MGAT4C: variants seen among roughly 807,000 people sequenced by gnomAD.
MGAT4C encodes the protein MGAT4 family member C.
A neutral mutation model predicts 40.1 loss-of-function variants in MGAT4C; 19 were observed. The ratio of observed to expected loss-of-function variants is 0.47; its 90% CI spans 0.33 to 0.70. The LOEUF is 0.70. Ranked by LOEUF, MGAT4C falls within the 30% of genes least tolerant of loss-of-function variation. MGAT4C has a pLI of 0.02. For missense variants in MGAT4C, 491 were observed against 563.2 expected (o/e 0.87, Z 1.30); for synonymous variants, 181 against 187.1 (o/e 0.97, Z 0.27).
intron 3 of MGAT4C, among the ~76,000 whole-genome samples, chr12:86,344,717 GGTGTGTGT>G (rs71076188): frequency 0.065 from 9,055 of 139,462 alleles, 697 homozygotes; most frequent in East Asian, 0.25. Context: ...ATCTCTTCTC[GGTGTGTGT>G]GTGTGTGTGT....
intron 4 of MGAT4C, among the ~76,000 whole-genome samples, chr12:86,305,227 G>T (rs1385133772): frequency 6.7e-6 from 1 of 150,208 alleles, no homozygotes. Context: ...ATCACCTGAG[G>T]TTGGGAGTTC....
intron 1 of MGAT4C, among the ~76,000 whole-genome samples, chr12:86,224,439 C>G (rs1035006505): frequency 6.6e-6 from 1 of 152,144 alleles, no homozygotes; most frequent in Non-Finnish European, 1.5e-5. Context: ...AAACTAGGCT[C>G]TAGACCAAAT....
At chr12:86,802,488 C>T (rs1458208203) in intron 1 of MGAT4C, among the ~76,000 whole-genome samples, 1 of 151,838 alleles carries the variant, frequency 6.6e-6, no homozygotes, top group East Asian at 1.9e-4. Context: ...ATTCTGTGTC[C>T]TTAGCAAGGT....
intron 1 of MGAT4C, among the ~76,000 whole-genome samples, chr12:86,220,001 T>A (rs560465219): frequency 2.6e-5 from 4 of 151,968 alleles, no homozygotes; most frequent in Non-Finnish European, 5.9e-5. Context: ...AGAGATTGGG[T>A]TTTTGGAATT....
chr12:86,805,338 T>C (rs1952330909), intron 1 of MGAT4C, among the ~76,000 whole-genome samples: 1 of 151,994 alleles, frequency 6.6e-6, no homozygotes, highest in South Asian at 2.1e-4. Flanking sequence ...GCATAGTATA[T>C]GATAGGTATT....
intron 4 of MGAT4C, among the ~76,000 whole-genome samples, chr12:86,298,702 C>A (rs1004308561): frequency 6.6e-6 from 1 of 152,010 alleles, no homozygotes; most frequent in African/African-American, 2.4e-5. Context: ...TTGGAAAAAA[C>A]ATACTGAGAA....
chr12:86,347,350 G>A (rs1373350242), intron 3 of MGAT4C, among the ~76,000 whole-genome samples: 1 of 151,854 alleles, frequency 6.6e-6, no homozygotes, highest in Non-Finnish European at 1.5e-5. Context: ...AAAACACATG[G>A]CATATTTTAA....
chr12:86,642,792 T>A (rs549976683), intron 2 of MGAT4C, among the ~76,000 whole-genome samples: 3 of 151,484 alleles, frequency 2.0e-5, no homozygotes, highest in Non-Finnish European at 4.4e-5. Flanking sequence ...ACATTTTATA[T>A]GTATATATAT....
At chr12:86,491,174 G>T (rs961727123) in intron 2 of MGAT4C, among the ~76,000 whole-genome samples, 1 of 152,046 alleles carries the variant, frequency 6.6e-6, no homozygotes, top group South Asian at 2.1e-4. Context: ...ACCAAAAAGA[G>T]TCCAGGACCA....
At chr12:86,648,643 A>T (rs1352068171) in intron 2 of MGAT4C, among the ~76,000 whole-genome samples, 1 of 151,888 alleles carries the variant, frequency 6.6e-6, no homozygotes, top group East Asian at 1.9e-4. Context: ...TTGAATAGAT[A>T]GGCACCTTGA....
chr12:86,012,967 TAAA>T (rs373512076), intron 2 of MGAT4C, among the ~76,000 whole-genome samples: 28 of 145,888 alleles, frequency 1.9e-4, no homozygotes, highest in Non-Finnish European at 2.6e-4. Flanking sequence ...CCACGAAAAT[TAAA>T]AAAAAAAAAA....
intron 1 of MGAT4C, among the ~76,000 whole-genome samples, chr12:86,191,100 CA>C: frequency 7.6e-6 from 1 of 131,054 alleles, no homozygotes; most frequent in Non-Finnish European, 1.5e-5. Context: ...CACACACACA[CA>C]CACACACACA....
intron 1 of MGAT4C, among the ~76,000 whole-genome samples, chr12:86,788,085 G>A (rs1297824316): frequency 6.6e-6 from 1 of 151,432 alleles, no homozygotes; most frequent in Non-Finnish European, 1.5e-5. Context: ...TCATTTTCAT[G>A]TATGTATTTA....
chr12:86,234,666 A>C (rs896810090), intron 1 of MGAT4C, among the ~76,000 whole-genome samples: 8 of 152,060 alleles, frequency 5.3e-5, no homozygotes, highest in Admixed American at 2.0e-4. Flanking sequence ...CTCTCTACTT[A>C]ATAACCTCTC....
At chr12:86,195,754 C>T (rs1018441458) in intron 1 of MGAT4C, among the ~76,000 whole-genome samples, 2 of 151,792 alleles carry the variant, frequency 1.3e-5, no homozygotes, top group African/African-American at 4.8e-5. Context: ...TTTTTGAGGT[C>T]CAGGAGATTA....
At chr12:86,814,311 T>TGA (rs1566009087) in intron 1 of MGAT4C, among the ~76,000 whole-genome samples, 7 of 4,876 alleles carry the variant, frequency 1.4e-3, no homozygotes, top group African/African-American at 4.8e-3. Context: ...CGTATATATA[T>TGA]ACGTATATAT....
At chr12:86,512,425 TAA>T (rs1033188749) in intron 2 of MGAT4C, among the ~76,000 whole-genome samples, 2 of 152,116 alleles carry the variant, frequency 1.3e-5, no homozygotes, top group Non-Finnish European at 2.9e-5. Flanking sequence ...TCAAAATAAC[TAA>T]AACCAGGATC....
At chr12:86,183,751 T>C (rs896893501) in intron 1 of MGAT4C, among the ~76,000 whole-genome samples, 1 of 152,156 alleles carries the variant, frequency 6.6e-6, no homozygotes, top group Non-Finnish European at 1.5e-5. Flanking sequence ...CCATGCTGTA[T>C]GCATGCAAAA....
intron 2 of MGAT4C, among the ~76,000 whole-genome samples, chr12:86,630,902 G>A (rs1409991650): frequency 1.3e-5 from 2 of 152,034 alleles, no homozygotes; most frequent in Admixed American, 6.6e-5. Context: ...AGTTCAGGCC[G>A]GGGCAATCAG....
Sources: allele counts gnomAD v4.1 joint callset (sites outside exome capture counted in the v4.1 genomes callset), GRCh38; gene constraint gnomAD v4.1.1; transcripts MANE v1.5; gene names NCBI Gene and HGNC (gene_info 2026-07-23, HGNC 2026-07-21).